SPTBN5: variants seen among roughly 807,000 people sequenced by gnomAD.
SPTBN5 encodes spectrin beta, non-erythrocytic 5, also known as spectrin beta chain, non-erythrocytic 5.
SPTBN5 carries 513 observed loss-of-function variants against 477.6 expected under a neutral mutation model. The ratio of observed to expected loss-of-function variants is 1.07; its 90% CI spans 1.00 to 1.16. The LOEUF is 1.16. SPTBN5 is among the 50% of genes most tolerant of loss of function. SPTBN5 has a pLI of 0.00. For synonymous variants in SPTBN5, 2,169 were observed against 2,011.7 expected (o/e 1.08, Z -2.09); for missense variants, 5,062 against 4,731.8 (o/e 1.07, Z -2.05).
At position 41,854,855 on chromosome 15, in the gene SPTBN5, T is replaced by TG. The variant is rs1185641078; in HGVS notation, c.9544dup (p.His3182ProfsTer10). On this transcript the variant is annotated frameshift_variant, in exon 56 of 68. Transcript: ENST00000320955. LOFTEE classifies it high-confidence loss of function. ...AATGCGGCTCCTCTGGGCTTGGATG[T>TG]GGGGATAGCGCCTGGGTGCACCCCG... 2 of 1,608,684 alleles carry TG rather than the reference T, an allele frequency of 1.2e-6. No individual in the cohort carries two copies. The highest frequency in any genetic ancestry group is 2.2e-5 in the South Asian group (2 of 90,482).
intron 23 of SPTBN5, 76 bp from the exon 24 acceptor site, chr15:41,874,554 G>T: frequency 7.9e-7 from 1 of 1,263,686 alleles, no homozygotes; most frequent in Non-Finnish European, 1.1e-6. Flanking sequence ...CCTTGGCCAA[G>T]CCAGGGCCCG....
rs867709716 is a variant in SPTBN5, at chr15:41,880,456, G to C, written c.2659-144C>G. ...CAGAGGGGGTCCCTGCCTCACTGCT[G>C]GGCCCCACATCCTCTCTCAGAGCCC... On this transcript the variant is annotated intron_variant, in intron 13 of 67. Coordinates refer to ENST00000320955, the MANE Select transcript of SPTBN5 (RefSeq NM_016642.4). The C allele has an allele frequency of 1.0e-4, 86 of 859,204 alleles. 1 individual carries two copies. The African/African-American group carries it at 1.3e-3, about 13-fold the overall frequency. 53.2% of individuals were successfully genotyped at this position (859,204 alleles called of 1,614,324 possible). A position where few individuals can be genotyped will look rare whatever the true frequency, so the allele number is the denominator to read the frequency against.
At chr15:41,852,766 G>T in intron 60 of SPTBN5, 31 bp from the exon 61 acceptor site, 1 of 1,582,848 alleles carries the variant, frequency 6.3e-7, no homozygotes. Flanking sequence ...GTGACGCCCA[G>T]CTTGGGGGGG....
chr15:41,864,238 GC>G (rs2066221993), intron 39 of SPTBN5, among the ~76,000 whole-genome samples: 2 of 152,214 alleles, frequency 1.3e-5, no homozygotes, highest in South Asian at 4.1e-4. Context: ...GGAGCCTGCA[GC>G]CCCAGAGTCA....
intron 52 of SPTBN5, 41 bp downstream of exon 52, chr15:41,856,812 T>C (rs1181065399): frequency 6.6e-7 from 1 of 1,516,520 alleles, no homozygotes; most frequent in East Asian, 2.5e-5. Context: ...TGAGAAGCCC[T>C]GCTCATGTGC....
intron 7 of SPTBN5, 26 bp downstream of exon 7, chr15:41,885,709 G>T: frequency 6.5e-7 from 1 of 1,541,856 alleles, no homozygotes; most frequent in Non-Finnish European, 8.7e-7. Flanking sequence ...GCCAGCTGTG[G>T]GGAGAGTTCA....
chr15:41,862,297 C>T lies in SPTBN5; in HGVS notation c.7386-5G>A. The T allele has an allele frequency of 1.9e-6, 3 of 1,590,506 alleles. No individual in the cohort carries two copies. Among genetic ancestry groups the T allele is most frequent in the Non-Finnish European group, 2.6e-6 (3 of 1,167,558 alleles). Reference sequence around the variant, plus strand: ...AAGGCATCCAGCGCCTCCCTCCTGCCCACAGCGCTCATCAGCTAGTCGTCA... The same window carrying T: ...AAGGCATCCAGCGCCTCCCTCCTGCTCACAGCGCTCATCAGCTAGTCGTCA... On this transcript the variant is annotated splice_polypyrimidine_tract_variant and splice_region_variant and intron_variant, in intron 43 of 67. Coordinates refer to ENST00000320955, the MANE Select transcript of SPTBN5 (RefSeq NM_016642.4).
chr15:41,854,329 C>A (rs2065868299), intron 56 of SPTBN5, 124 bp from the exon 57 acceptor site: 1 of 1,223,322 alleles, frequency 8.2e-7, no homozygotes. Flanking sequence ...TTGATGTGTC[C>A]CCAGGTACAG....
rs780970778 is a variant in SPTBN5, at chr15:41,857,221, G to A, written c.8621+17C>T. 5.1e-6 allele frequency: 8 copies of A among 1,576,510 alleles called. No homozygotes were observed. Among genetic ancestry groups the A allele is most frequent in the South Asian group, 2.3e-5 (2 of 86,614 alleles). On this transcript the variant is annotated intron_variant, in intron 51 of 67. Transcript: ENST00000320955. The stretch of plus-strand genomic sequence containing the variant: ...AGGAAGGCAGGGAAGAGAAGCTGAG[G>A]GCACGGGTGGATCTACCTCTGAAGC...
intron 25 of SPTBN5, 50 bp downstream of exon 25, chr15:41,873,795 G>A: frequency 1.3e-6 from 2 of 1,598,354 alleles, no homozygotes; most frequent in Non-Finnish European, 8.5e-7. Flanking sequence ...GGCCCCTCAA[G>A]GAGCCCTGAC....
chr15:41,860,017 C>T (rs2066050544), intron 47 of SPTBN5, among the ~76,000 whole-genome samples: 1 of 152,180 alleles, frequency 6.6e-6, no homozygotes, highest in East Asian at 1.9e-4. Flanking sequence ...TGAGCTTTTA[C>T]AGGGAAAAAG....
chr15:41,855,298 G>T lies in SPTBN5; in HGVS notation c.9349C>A (p.Leu3117Ile). Residue 3117 changes from leucine (L) to isoleucine (I), a missense_variant, in exon 55 of 68, where the codon CTC becomes ATC. Transcript: ENST00000320955. ...LHQLERETLLLDAWLTTKAAT... is the reference protein window; with the variant it reads ...LHQLERETLLIDAWLTTKAAT... ...GCCTTGGTGGTCAGCCAGGCGTCGA[G>T]GAGCAGGGTCTCTCGCTCCAGCTGG... 1 of 1,611,732 alleles carries T rather than the reference G, an allele frequency of 6.2e-7. No homozygotes were observed.
At position 41,890,185 on chromosome 15, in the gene SPTBN5, C is replaced by A. The variant is rs372313398; in HGVS notation, c.405G>T (p.Gly135=). 216 of 1,612,228 alleles carry A rather than the reference C, an allele frequency of 1.3e-4. No homozygotes were observed. The highest frequency in any genetic ancestry group is 2.5e-4 in the Admixed American group (15 of 59,812). ...LRAKVPVPLI[G]PENIVDGDQT... ...GGTCTCCGTCCACGATGTTCTCTGG[C>A]CCGATGAGTGGTACTGGCACCTGTG... Residue 135 remains glycine, a synonymous_variant, in exon 4 of 68, where the codon GGG becomes GGT. Coordinates refer to ENST00000320955, the MANE Select transcript of SPTBN5 (RefSeq NM_016642.4).
intron 12 of SPTBN5, among the ~76,000 whole-genome samples, chr15:41,881,481 G>A (rs1340889485): frequency 1.3e-5 from 2 of 152,212 alleles, no homozygotes; most frequent in African/African-American, 4.8e-5. Context: ...TCTTGAAAGA[G>A]GGCTGTGAGC....
intron 2 of SPTBN5, 81 bp downstream of exon 2, chr15:41,893,201 C>G: frequency 1.9e-6 from 3 of 1,595,344 alleles, no homozygotes; most frequent in Non-Finnish European, 2.6e-6. Flanking sequence ...CAGATGACCC[C>G]ACAGCTCACC....
intron 66 of SPTBN5, 137 bp from the exon 67 acceptor site, chr15:41,850,096 G>C: frequency 8.2e-6 from 6 of 727,772 alleles, no homozygotes; most frequent in Middle Eastern, 2.7e-4. Flanking sequence ...CTTCCCACGT[G>C]GGGGTGTGGG....
At position 41,882,489 on chromosome 15, in the gene SPTBN5, G is replaced by C. The variant is rs2067000576; in HGVS notation, c.2047-20C>G. On this transcript the variant is annotated intron_variant, in intron 10 of 67. Coordinates refer to ENST00000320955, the MANE Select transcript of SPTBN5 (RefSeq NM_016642.4). ...CAGGGCCTAGCGGGGGGCAGAGCAG[G>C]GGGCTCAGTGAAGGCAGAACAGGGG... is the stretch of plus-strand genomic sequence containing the variant. The C allele has an allele frequency of 6.4e-7, 1 of 1,560,684 alleles. No homozygotes were observed.
chr15:41,854,837 C>T lies in SPTBN5; in HGVS notation c.9563G>A (p.Ser3188Asn). 1.3e-6 allele frequency: 2 copies of T among 1,596,906 alleles called. 1 individual carries two copies. Among genetic ancestry groups the T allele is most frequent in the South Asian group, 2.3e-5 (2 of 88,500 alleles). ...RRYPHIQAQR[S>N]RIEAAWERLD... The stretch of plus-strand genomic sequence containing the variant: ...CCTCTCCCAAGCAGCCTCAATGCGG[C>T]TCCTCTGGGCTTGGATGTGGGGATA... The change falls in exon 56 of 68, where the codon AGC (serine) becomes AAC (asparagine). Residue 3188 changes from serine (S) to asparagine (N), a missense_variant. Coordinates refer to ENST00000320955, the MANE Select transcript of SPTBN5 (RefSeq NM_016642.4).
At chr15:41,856,795 C>T (rs2065940150) in intron 52 of SPTBN5, 58 bp downstream of exon 52, 10 of 1,487,230 alleles carry the variant, frequency 6.7e-6, no homozygotes, top group Non-Finnish European at 8.1e-6. Context: ...AGTGCCATTT[C>T]CTTGGCTGAG....
Sources: gnomAD v4.1 joint callset for allele counts (sites outside exome capture counted in the v4.1 genomes callset) on GRCh38, gnomAD v4.1.1 for gene constraint, MANE v1.5 for transcripts, NCBI Gene and HGNC (gene_info 2026-07-23, HGNC 2026-07-21) for gene names.